CADM1: variants seen among roughly 807,000 people sequenced by gnomAD.
CADM1 encodes cell adhesion molecule 1, also known as TSLC-1.
A neutral mutation model predicts 53.1 loss-of-function variants in CADM1; 15 were observed. The ratio of observed to expected loss-of-function variants is 0.28; its 90% CI spans 0.19 to 0.44. CADM1 has a LOEUF of 0.44. Among genes scored for constraint, CADM1 ranks in the 20% least tolerant of loss-of-function variants. The pLI is 1.00. For missense variants in CADM1, 434 were observed against 611.3 expected, an observed-to-expected ratio of 0.71 and a Z score of 3.06; for synonymous variants, 281 against 243.0, an observed-to-expected ratio of 1.16 and a Z score of -1.45.
chr11:115,201,323 G>C (rs1940418272), intron 8 of CADM1, among the ~76,000 whole-genome samples: 1 of 152,168 alleles, frequency 6.6e-6, no homozygotes, highest in African/African-American at 2.4e-5. Flanking sequence ...TTGAACAGAG[G>C]TTATTTTCAA....
At chr11:115,311,906 C>T (rs1332463601) in intron 1 of CADM1, among the ~76,000 whole-genome samples, 1 of 152,148 alleles carries the variant, frequency 6.6e-6, no homozygotes, top group Non-Finnish European at 1.5e-5. Flanking sequence ...TTTGTCCAAA[C>T]TTTAAAGGAA....
At chr11:115,461,088 A>AC (rs1171629042) in intron 1 of CADM1, among the ~76,000 whole-genome samples, 6 of 151,998 alleles carry the variant, frequency 3.9e-5, no homozygotes, top group Admixed American at 3.9e-4. Flanking sequence ...CCTAACGTGT[A>AC]CCTGGTACTG....
chr11:115,405,625 A>G (rs1018924561), intron 1 of CADM1, among the ~76,000 whole-genome samples: 1 of 152,232 alleles, frequency 6.6e-6, no homozygotes, highest in Non-Finnish European at 1.5e-5. Context: ...CACAAAACAT[A>G]AAATATATAT....
chr11:115,185,706 T>C (rs1331854323), intron 10 of CADM1, among the ~76,000 whole-genome samples: 3 of 152,186 alleles, frequency 2.0e-5, no homozygotes, highest in Non-Finnish European at 4.4e-5. Flanking sequence ...ATAGCACAGA[T>C]TTAGAAATGT....
intron 7 of CADM1, among the ~76,000 whole-genome samples, chr11:115,212,487 C>T (rs907151125): frequency 7.2e-5 from 11 of 152,136 alleles, no homozygotes; most frequent in Non-Finnish European, 1.6e-4. Context: ...AATCCCTAGA[C>T]AAGGATAGGT....
At chr11:115,344,004 A>C (rs973643467) in intron 1 of CADM1, among the ~76,000 whole-genome samples, 3 of 152,198 alleles carry the variant, frequency 2.0e-5, no homozygotes, top group Admixed American at 6.5e-5. Flanking sequence ...GTTTAAATAG[A>C]GTATCGTGGA....
intron 1 of CADM1, among the ~76,000 whole-genome samples, chr11:115,288,592 G>A (rs1007905865): frequency 6.6e-6 from 1 of 152,098 alleles, no homozygotes; most frequent in Non-Finnish European, 1.5e-5. Context: ...CTTCTCTGAT[G>A]TACCTCTTCC....
chr11:115,376,843 G>A (rs1029445773), intron 1 of CADM1, among the ~76,000 whole-genome samples: 5 of 152,164 alleles, frequency 3.3e-5, no homozygotes, highest in Admixed American at 3.3e-4. Context: ...GGTGGTCTTG[G>A]TGTCTCTCTG....
At chr11:115,204,527 G>C (rs1940588629) in intron 8 of CADM1, among the ~76,000 whole-genome samples, 1 of 152,154 alleles carries the variant, frequency 6.6e-6, no homozygotes, top group African/African-American at 2.4e-5. Context: ...ACCAGCTCTT[G>C]AACCATGCAA....
chr11:115,348,260 TAAG>T (rs1345141190), intron 1 of CADM1, among the ~76,000 whole-genome samples: 1 of 152,212 alleles, frequency 6.6e-6, no homozygotes, highest in Non-Finnish European at 1.5e-5. Context: ...AAGATTACTA[TAAG>T]AAGTTTTCTA....
At chr11:115,499,994 C>A (rs946396500) in intron 1 of CADM1, among the ~76,000 whole-genome samples, 3 of 152,158 alleles carry the variant, frequency 2.0e-5, no homozygotes, top group African/African-American at 7.2e-5. Flanking sequence ...CACACAAACA[C>A]ACACACACTG....
At chr11:115,303,125 C>CA (rs1944276384) in intron 1 of CADM1, among the ~76,000 whole-genome samples, 1 of 151,982 alleles carries the variant, frequency 6.6e-6, no homozygotes, top group Non-Finnish European at 1.5e-5. Flanking sequence ...GGGTGTGGTA[C>CA]AAAAAAGCCA....
At chr11:115,436,704 G>A (rs565589352) in intron 1 of CADM1, among the ~76,000 whole-genome samples, 249 of 152,280 alleles carry the variant, frequency 1.6e-3, no homozygotes, top group African/African-American at 5.8e-3. Context: ...ATCCTCTGTT[G>A]TACCTCAATG....
At chr11:115,472,153 G>T (rs1949027955) in intron 1 of CADM1, among the ~76,000 whole-genome samples, 1 of 152,180 alleles carries the variant, frequency 6.6e-6, no homozygotes, top group Admixed American at 6.5e-5. Flanking sequence ...ACTGAGAATG[G>T]TTGCTTATTT....
chr11:115,186,258 C>A (rs769934889), intron 10 of CADM1, among the ~76,000 whole-genome samples: 2 of 152,152 alleles, frequency 1.3e-5, no homozygotes, highest in Non-Finnish European at 2.9e-5. Flanking sequence ...GGAAACTGAT[C>A]CCATAATTTA....
At chr11:115,325,162 C>T (rs1944928522) in intron 1 of CADM1, among the ~76,000 whole-genome samples, 1 of 152,192 alleles carries the variant, frequency 6.6e-6, no homozygotes, top group Non-Finnish European at 1.5e-5. Flanking sequence ...AAACCATCAA[C>T]CAGAAATGGC....
At chr11:115,332,960 G>A (rs930779770) in intron 1 of CADM1, among the ~76,000 whole-genome samples, 5 of 151,986 alleles carry the variant, frequency 3.3e-5, no homozygotes, top group Admixed American at 6.6e-5. Flanking sequence ...TTCTCCCCAG[G>A]AACTCTTCAC....
At chr11:115,493,254 C>T (rs1238266790) in intron 1 of CADM1, among the ~76,000 whole-genome samples, 1 of 148,902 alleles carries the variant, frequency 6.7e-6, no homozygotes, top group African/African-American at 2.5e-5. Context: ...TGAAACATAC[C>T]ATACTGAACC....
chr11:115,302,838 T>C (rs185020197), intron 1 of CADM1, among the ~76,000 whole-genome samples: 104 of 152,104 alleles, frequency 6.8e-4, no homozygotes, highest in African/African-American at 2.3e-3. Context: ...GGTGGCAGCA[T>C]TGGATTATAG....
Sources: allele counts gnomAD v4.1 joint callset (sites outside exome capture counted in the v4.1 genomes callset), GRCh38; gene constraint gnomAD v4.1.1; transcripts MANE v1.5; gene names NCBI Gene and HGNC (gene_info 2026-07-23, HGNC 2026-07-21).